Variants in ZFHX4 observed in about 807,000 individuals in gnomAD.
ZFHX4 encodes zinc finger homeobox 4, also known as zinc finger homeobox protein 4.
A neutral mutation model predicts 267.6 loss-of-function variants in ZFHX4; 56 were observed. That is an observed-to-expected ratio of 0.21 (90% CI 0.17 to 0.26). The LOEUF is 0.26. Among genes scored for constraint, ZFHX4 ranks in the 10% least tolerant of loss-of-function variants. The pLI, the probability that ZFHX4 is intolerant of heterozygous loss-of-function variation, is 1.00. For missense variants in ZFHX4, 4,332 were observed against 4,420.0 expected (o/e 0.98, Z 0.56); for synonymous variants, 1,778 against 1,665.6 (o/e 1.07, Z -1.64).
At chr8:76,846,988 C>T (rs1034710806) in intron 6 of ZFHX4, among the ~76,000 whole-genome samples, 2 of 152,082 alleles carry the variant, frequency 1.3e-5, no homozygotes, top group African/African-American at 4.8e-5. Flanking sequence ...GGGGATATGA[C>T]AGAGTATTAT....
intron 5 of ZFHX4, among the ~76,000 whole-genome samples, chr8:76,839,817 C>T (rs531028803): frequency 4.6e-5 from 7 of 152,146 alleles, no homozygotes; most frequent in East Asian, 3.9e-4. Flanking sequence ...ACTGAGGATA[C>T]GTGGTGCTTG....
intron 4 of ZFHX4, among the ~76,000 whole-genome samples, chr8:76,783,501 T>G (rs1810606855): frequency 6.6e-6 from 1 of 151,998 alleles, no homozygotes; most frequent in Non-Finnish European, 1.5e-5. Context: ...AAGTACATAT[T>G]GATTTGTTTA....
chr8:76,861,353 T>C (rs1056672211), intron 10 of ZFHX4, among the ~76,000 whole-genome samples: 2 of 152,320 alleles, frequency 1.3e-5, no homozygotes, highest in African/African-American at 4.8e-5. Flanking sequence ...TCATCTGCCA[T>C]TGAGTCATAA....
Position 76,851,471 on chromosome 8 carries a change from C to T in ZFHX4, c.4550C>T (p.Pro1517Leu). ...ATTCCAGATGACATGGGCTCTGAAC[C>T]AAAGCGGACCTTACCTTTTAGAAAA... ...SSIPDDMGSE[P>L]KRTLPFRKGP... Residue 1517 changes from proline to leucine, a missense_variant, in exon 10 of 11, where the codon CCA (proline) becomes CTA (leucine). Around this residue, in one of 7 missense-constraint regions of ZFHX4, gnomAD observed 1,371 missense variants for 1,423.1 expected, o/e 0.96. Coordinates refer to ENST00000651372, the MANE Select transcript of ZFHX4 (RefSeq NM_024721.5). 1 of 1,613,862 alleles carries T rather than the reference C, an allele frequency of 6.2e-7. No individual in the cohort carries two copies. The highest frequency in any genetic ancestry group is 8.5e-7 in the Non-Finnish European group (1 of 1,179,860).
At chr8:76,860,782 G>A (rs1339964100) in intron 10 of ZFHX4, among the ~76,000 whole-genome samples, 2 of 152,134 alleles carry the variant, frequency 1.3e-5, no homozygotes, top group Non-Finnish European at 2.9e-5. Context: ...ATGGAAAATA[G>A]TGTATACTGT....
At chr8:76,811,425 G>T (rs1360840698) in intron 4 of ZFHX4, among the ~76,000 whole-genome samples, 1 of 152,126 alleles carries the variant, frequency 6.6e-6, no homozygotes, top group Non-Finnish European at 1.5e-5. Flanking sequence ...CAATATGTTG[G>T]TGGCTTCTAT....
intron 6 of ZFHX4, among the ~76,000 whole-genome samples, chr8:76,847,456 T>TATAC (rs1812392081): frequency 6.6e-6 from 1 of 152,040 alleles, no homozygotes; most frequent in African/African-American, 2.4e-5. Context: ...CACATATATA[T>TATAC]ATACATGAAG....
intron 4 of ZFHX4, among the ~76,000 whole-genome samples, chr8:76,788,086 C>T (rs1050462632): frequency 2.6e-5 from 4 of 152,042 alleles, no homozygotes; most frequent in African/African-American, 9.7e-5. Context: ...TAGTAACTGG[C>T]AGAGGTCAGG....
intron 3 of ZFHX4, among the ~76,000 whole-genome samples, chr8:76,777,834 A>G (rs1051133407): frequency 2.7e-5 from 4 of 149,576 alleles, no homozygotes; most frequent in Non-Finnish European, 4.4e-5. Flanking sequence ...TTACCCAGGT[A>G]TTCTCATACC....
chr8:76,708,335 A>G (rs1425384037), intron 3 of ZFHX4: 1 of 374,098 alleles, frequency 2.7e-6, no homozygotes, highest in Non-Finnish European at 4.8e-6. Context: ...GTTATATATA[A>G]AATAATACTT....
chr8:76,752,241 G>A (rs1398798948), intron 3 of ZFHX4, among the ~76,000 whole-genome samples: 1 of 151,748 alleles, frequency 6.6e-6, no homozygotes, highest in Non-Finnish European at 1.5e-5. Flanking sequence ...GCAAGAGAAT[G>A]AAAAATATTG....
Position 76,854,829 on chromosome 8 carries a change from T to A in ZFHX4, c.7908T>A (p.Asp2636Glu). Residue 2636 changes from aspartate to glutamate, a missense_variant, in exon 10 of 11, where the codon GAT becomes GAA. Coordinates refer to ENST00000651372, the MANE Select transcript of ZFHX4 (RefSeq NM_024721.5). ...CCAATCCTACCAGAAAAATGCTTGA[T>A]CATATTGCCCGCGAAGTCGGGCTGA... ...LDSNPTRKML[D>E]HIAREVGLKK... 1 of 1,610,672 alleles carries A rather than the reference T, an allele frequency of 6.2e-7. No homozygotes were observed. Among genetic ancestry groups the A allele is most frequent in the Non-Finnish European group, 8.5e-7 (1 of 1,178,946 alleles).
intron 1 of ZFHX4, among the ~76,000 whole-genome samples, chr8:76,697,063 G>C (rs1453847052): frequency 1.3e-5 from 2 of 151,880 alleles, no homozygotes; most frequent in Non-Finnish European, 2.9e-5. Flanking sequence ...TGCAAGAAAT[G>C]ATTTTTTAAA....
intron 10 of ZFHX4, among the ~76,000 whole-genome samples, chr8:76,859,891 C>T (rs1359646860): frequency 6.6e-6 from 1 of 152,030 alleles, no homozygotes; most frequent in African/African-American, 2.4e-5. Context: ...GAAAGTATTA[C>T]TATCAGGACA....
At chr8:76,812,874 G>A (rs1364947623) in intron 4 of ZFHX4, among the ~76,000 whole-genome samples, 3 of 151,914 alleles carry the variant, frequency 2.0e-5, no homozygotes, top group Admixed American at 2.0e-4. Context: ...GTATTTGATG[G>A]CATTCAACTA....
chr8:76,779,654 A>G (rs1019870187), intron 4 of ZFHX4, among the ~76,000 whole-genome samples: 2 of 152,106 alleles, frequency 1.3e-5, no homozygotes, highest in African/African-American at 4.8e-5. Flanking sequence ...TGAACTAATC[A>G]TTGTGTTCTT....
Position 76,842,761 on chromosome 8 carries a change from T to A in ZFHX4, c.3501T>A (p.Asn1167Lys), listed in dbSNP as rs186319252. ...ACAATAGTGAAGGCAAAAACTCTAA[T>A]AAAGACTCTGGTAAGATGCAAGAAT... is the stretch of plus-strand genomic sequence containing the variant. ...ERDNSEGKNSNKDSGIITPEK... is the reference protein window; with the variant it reads ...ERDNSEGKNSKKDSGIITPEK... The change falls in exon 6 of 11, where the codon AAT becomes AAA. Residue 1167 changes from asparagine to lysine, a missense_variant. This residue lies in a region of ZFHX4 where 1,371 missense variants were observed against 1,423.1 expected (regional missense o/e 0.96). Transcript: ENST00000651372. The A allele has an allele frequency of 2.6e-6, 4 of 1,550,670 alleles. No homozygotes were observed. Among genetic ancestry groups the A allele is most frequent in the East Asian group, 2.4e-5 (1 of 40,890 alleles).
chr8:76,807,951 AT>A, intron 4 of ZFHX4, among the ~76,000 whole-genome samples: 1 of 152,306 alleles, frequency 6.6e-6, no homozygotes, highest in East Asian at 1.9e-4. Flanking sequence ...CCTGATAAAA[AT>A]AAATTATAAA....
At chr8:76,691,817 G>A (rs572959723) in intron 1 of ZFHX4, among the ~76,000 whole-genome samples, 17 of 152,130 alleles carry the variant, frequency 1.1e-4, no homozygotes, top group African/African-American at 3.6e-4. Flanking sequence ...TAACTGATCC[G>A]TATGTTCCTT....
Sources: gnomAD v4.1 joint callset for allele counts (sites outside exome capture counted in the v4.1 genomes callset) on GRCh38, gnomAD v4.1.1 for gene constraint, gnomAD v4.1.1 regional missense constraint, MANE v1.5 for transcripts, NCBI Gene and HGNC (gene_info 2026-07-23, HGNC 2026-07-21) for gene names.